The following CA8 variants were observed in gnomAD, a reference collection of about 807,000 sequenced individuals.
The protein encoded by CA8 is carbonic anhydrase-related protein.
Under a neutral mutation model 41.4 loss-of-function variants are expected in CA8, and 22 were observed. The ratio of observed to expected loss-of-function variants is 0.53; its 90% CI spans 0.38 to 0.76. The LOEUF (loss-of-function observed/expected upper bound fraction) is 0.76. Among genes scored for constraint, CA8 ranks in the 30% least tolerant of loss-of-function variants. The pLI is 0.00. For missense variants in CA8, 270 were observed against 352.8 expected, an observed-to-expected ratio of 0.77 and a Z score of 1.88; for synonymous variants, 121 against 130.6, an observed-to-expected ratio of 0.93 and a Z score of 0.50.
At chr8:60,197,340 T>C (rs2130387718) in intron 8 of CA8, among the ~76,000 whole-genome samples, 1 of 152,178 alleles carries the variant, frequency 6.6e-6, no homozygotes, top group East Asian at 1.9e-4. Flanking sequence ...ACATTACATA[T>C]ATATGTAACC....
At chr8:60,258,439 TA>T (rs1803620927) in intron 3 of CA8, among the ~76,000 whole-genome samples, 1 of 152,214 alleles carries the variant, frequency 6.6e-6, no homozygotes, top group African/African-American at 2.4e-5. Context: ...CCTCCACAGT[TA>T]AGGGGGTACT....
chr8:60,265,756 T>A, intron 3 of CA8, 169 bp downstream of exon 3: 2 of 712,338 alleles, frequency 2.8e-6, no homozygotes, highest in Non-Finnish European at 4.7e-6. Flanking sequence ...GACAGGAGGT[T>A]TCATGTGCTG....
At chr8:60,277,345 A>C (rs1804273250) in intron 2 of CA8, among the ~76,000 whole-genome samples, 1 of 151,962 alleles carries the variant, frequency 6.6e-6, no homozygotes, top group Admixed American at 6.5e-5. Context: ...ACAGGCAGAA[A>C]GAGTATTATT....
Position 60,185,447 on chromosome 8 carries a change from T to TA in CA8, c.*4573dup, listed in dbSNP as rs943816492. ...AACATCCCAAATTTAATATTTTTCT[T>TA]AAAAAAAATCATTCATCTACATACC... On this transcript the variant is annotated 3_prime_UTR_variant, in exon 9 of 9. Transcript: ENST00000317995. Among the ~76,000 whole-genome samples the TA allele has an allele frequency of 1.1e-4, 16 of 151,580 alleles. No homozygotes were observed. The highest frequency in any genetic ancestry group is 2.4e-4 in the African/African-American group (10 of 41,280).
rs1807671288 is a variant in CA8 at position 60,232,211 on chromosome 8, AT to A, written c.513+72del. On this transcript the variant is annotated intron_variant, in intron 4 of 8. Transcript: ENST00000317995. ...TCATCTCTAAGCAATAAAATTGAGA[AT>A]AAAAAAATTTTACAAAATGATTTAG... is the stretch of plus-strand genomic sequence containing the variant. 2 of 1,141,498 alleles carry A rather than the reference AT, an allele frequency of 1.8e-6. 1 individual carries two copies. Among genetic ancestry groups the A allele is most frequent in the South Asian group, 2.5e-5 (2 of 80,960 alleles). The allele number at this position is 1,141,498 out of a possible 1,614,324, so 70.7% of individuals were successfully genotyped here.
At chr8:60,224,662 A>G in intron 5 of CA8, 77 bp from the exon 6 acceptor site, 1 of 920,920 alleles carries the variant, frequency 1.1e-6, no homozygotes. Flanking sequence ...ATTAGAACTA[A>G]AAAATTAGAA....
At chr8:60,205,811 A>C (rs556593125) in intron 8 of CA8, among the ~76,000 whole-genome samples, 9 of 152,338 alleles carry the variant, frequency 5.9e-5, no homozygotes, top group African/African-American at 2.2e-4. Context: ...TTTCAGTAAA[A>C]CATAGCTAAA....
intron 3 of CA8, among the ~76,000 whole-genome samples, chr8:60,253,289 G>T (rs1413497670): frequency 1.3e-5 from 2 of 152,040 alleles, no homozygotes; most frequent in East Asian, 3.8e-4. Flanking sequence ...TGACACTATT[G>T]TTAAAATAGT....
chr8:60,246,789 G>A (rs1317048024), intron 3 of CA8, among the ~76,000 whole-genome samples: 1 of 150,384 alleles, frequency 6.6e-6, no homozygotes, highest in Non-Finnish European at 1.5e-5. Flanking sequence ...AAAAGTATTC[G>A]ATATTTTTAA....
chr8:60,190,938 C>CACTATATATATATATATA (rs1018035216), intron 8 of CA8, among the ~76,000 whole-genome samples: 1 of 117,332 alleles, frequency 8.5e-6, no homozygotes, highest in African/African-American at 3.4e-5. Context: ...CACACACACA[C>CACTATATATATATATATA]TATATATATA....
At chr8:60,231,627 C>T (rs1225652002) in intron 4 of CA8, among the ~76,000 whole-genome samples, 1 of 152,204 alleles carries the variant, frequency 6.6e-6, no homozygotes, top group Non-Finnish European at 1.5e-5. Context: ...GATACTCTTT[C>T]ACCTCTAAAT....
At chr8:60,274,397 A>T (rs1293281556) in intron 2 of CA8, among the ~76,000 whole-genome samples, 1 of 152,214 alleles carries the variant, frequency 6.6e-6, no homozygotes, top group Non-Finnish European at 1.5e-5. Flanking sequence ...GTAGTGAGTG[A>T]TTCAGCAAAA....
At chr8:60,200,430 T>C (rs1369369773) in intron 8 of CA8, among the ~76,000 whole-genome samples, 1 of 152,202 alleles carries the variant, frequency 6.6e-6, no homozygotes, top group Non-Finnish European at 1.5e-5. Context: ...TTCATTTCCA[T>C]GCTGAGATTT....
At chr8:60,230,434 G>A (rs1163498726) in intron 4 of CA8, among the ~76,000 whole-genome samples, 1 of 152,030 alleles carries the variant, frequency 6.6e-6, no homozygotes, top group Non-Finnish European at 1.5e-5. Context: ...GGACATCATC[G>A]CCAGTTATTG....
intron 2 of CA8, among the ~76,000 whole-genome samples, chr8:60,270,292 G>A (rs529173194): frequency 1.8e-4 from 27 of 152,332 alleles, no homozygotes; most frequent in African/African-American, 5.5e-4. Flanking sequence ...GAGGCCAGGA[G>A]ATGAAGCCTG....
At chr8:60,260,278 C>T (rs72665115) in intron 3 of CA8, among the ~76,000 whole-genome samples, 1,863 of 152,228 alleles carry the variant, frequency 0.012, 16 homozygotes, top group Middle Eastern at 0.037. Flanking sequence ...ATCCACCACC[C>T]CTTCGACCCC....
At chr8:60,198,709 T>C (rs1450501918) in intron 8 of CA8, among the ~76,000 whole-genome samples, 1 of 152,132 alleles carries the variant, frequency 6.6e-6, no homozygotes. Flanking sequence ...TGAAATTAAG[T>C]TGAATTGGGA....
chr8:60,262,825 A>G (rs1803776903), intron 3 of CA8, among the ~76,000 whole-genome samples: 1 of 152,236 alleles, frequency 6.6e-6, no homozygotes, highest in South Asian at 2.1e-4. Flanking sequence ...TGGCTGTGGA[A>G]AGATGTGTGT....
intron 7 of CA8, among the ~76,000 whole-genome samples, chr8:60,220,192 T>C (rs1303520431): frequency 1.3e-5 from 2 of 152,112 alleles, no homozygotes; most frequent in East Asian, 3.9e-4. Context: ...GCGTTCATCA[T>C]GGTAGGGGCC....
Sources: allele counts gnomAD v4.1 joint callset (sites outside exome capture counted in the v4.1 genomes callset), GRCh38; gene constraint gnomAD v4.1.1; transcripts MANE v1.5; gene names NCBI Gene and HGNC (gene_info 2026-07-23, HGNC 2026-07-21).